The following KIF26B variants were observed in gnomAD, a reference collection of about 807,000 sequenced individuals.
The protein encoded by KIF26B is kinesin family member 26B.
KIF26B carries 63 observed loss-of-function variants against 151.2 expected under a neutral mutation model. The observed-to-expected ratio is 0.42, with a 90% confidence interval of 0.34 to 0.51. The LOEUF is 0.51. KIF26B is among the 20% of genes least tolerant of loss of function. The probability of loss-of-function intolerance (pLI) is 0.07; values close to 1 mark genes in which losing one functional copy is unlikely to be tolerated. For synonymous variants in KIF26B, 1,357 were observed against 1,262.1 expected, an observed-to-expected ratio of 1.08 and a Z score of -1.59; for missense variants, 2,813 against 2,913.6, an observed-to-expected ratio of 0.97 and a Z score of 0.79.
chr1:245,238,632 G>A (rs951447494), intron 2 of KIF26B, among the ~76,000 whole-genome samples: 8 of 152,066 alleles, frequency 5.3e-5, no homozygotes, highest in Admixed American at 2.0e-4. Flanking sequence ...AGGCAGAGAC[G>A]GGTGGATCAC....
At position 245,413,599 on chromosome 1, in the gene KIF26B, G is replaced by C. The variant is rs144879725; in HGVS notation, c.1000-5980G>C. ...AATCGCTTGAACCCGGAAGGCGGAG[G>C]TTGCAGTGAGCCGAGATTGCACCAC... On this transcript the variant is annotated intron_variant, in intron 3 of 14. Transcript: ENST00000407071. 2.6e-3 allele frequency among the ~76,000 whole-genome samples: 389 copies of C among 152,306 alleles called. 2 individuals are homozygous for C. Among genetic ancestry groups the C allele is most frequent in the African/African-American group, 9.0e-3 (375 of 41,570 alleles).
Position 245,358,318 on chromosome 1 carries a change from A to T in KIF26B, c.466-8516A>T, listed in dbSNP as rs1672741770. On this transcript the variant is annotated intron_variant, in intron 2 of 14. Transcript: ENST00000407071. The surrounding 1 kb of genome is among the most constrained non-coding windows in gnomAD (Gnocchi z 4.1). ...GGCGGATCATGAGGTCAGGAAATCG[A>T]GACCATCCTGGCTAGCAGAGTGAAA... Among the ~76,000 whole-genome samples, 1 of 152,236 alleles carries T rather than the reference A, an allele frequency of 6.6e-6. No homozygotes were observed. Among genetic ancestry groups the T allele is most frequent in the Non-Finnish European group, 1.5e-5 (1 of 68,044 alleles).
At chr1:245,303,475 G>A (rs1671481343) in intron 2 of KIF26B, among the ~76,000 whole-genome samples, 1 of 150,884 alleles carries the variant, frequency 6.6e-6, no homozygotes, top group African/African-American at 2.5e-5. Flanking sequence ...TGGGATTACA[G>A]GCGTAAGCCA....
At chr1:245,471,025 T>C (rs1659901159) in intron 4 of KIF26B, among the ~76,000 whole-genome samples, 1 of 152,164 alleles carries the variant, frequency 6.6e-6, no homozygotes, top group East Asian at 1.9e-4. Flanking sequence ...GCCATTGTTA[T>C]TTTGGCTTCT....
At chr1:245,379,970 CAAA>C (rs539877547) in intron 3 of KIF26B, among the ~76,000 whole-genome samples, 5 of 82,742 alleles carry the variant, frequency 6.0e-5, no homozygotes, top group Admixed American at 1.4e-4. Context: ...GACTCCGTCT[CAAA>C]AAAAAAAAAA....
intron 9 of KIF26B, among the ~76,000 whole-genome samples, chr1:245,635,879 T>C (rs1376571219): frequency 1.3e-5 from 2 of 152,180 alleles, no homozygotes; most frequent in East Asian, 3.8e-4. Flanking sequence ...AATTTTTCCT[T>C]GACCATAGGC....
At chr1:245,284,793 C>A (rs1671135857) in intron 2 of KIF26B, among the ~76,000 whole-genome samples, 1 of 152,052 alleles carries the variant, frequency 6.6e-6, no homozygotes, top group Admixed American at 6.6e-5. Flanking sequence ...AATCCCAGCA[C>A]TTTGGGAGGC....
chr1:245,203,122 C>G (rs1203269141), intron 2 of KIF26B, among the ~76,000 whole-genome samples: 1 of 151,106 alleles, frequency 6.6e-6, no homozygotes, highest in Non-Finnish European at 1.5e-5. Flanking sequence ...TGGTGTGCGC[C>G]TATAGTCCCA....
intron 2 of KIF26B, among the ~76,000 whole-genome samples, chr1:245,323,462 G>A (rs1279954948): frequency 6.6e-6 from 1 of 152,152 alleles, no homozygotes; most frequent in Non-Finnish European, 1.5e-5. Flanking sequence ...GAACAAGTTT[G>A]GAAAAACTGC....
At chr1:245,336,027 A>G (rs1672222929) in intron 2 of KIF26B, among the ~76,000 whole-genome samples, 2 of 113,840 alleles carry the variant, frequency 1.8e-5, no homozygotes, top group Non-Finnish European at 1.6e-5. Flanking sequence ...GGAGAGTCCC[A>G]CGCAGGGAAA....
chr1:245,396,480 A>G (rs1673844762), intron 3 of KIF26B, among the ~76,000 whole-genome samples: 1 of 152,168 alleles, frequency 6.6e-6, no homozygotes, highest in Non-Finnish European at 1.5e-5. Context: ...TACTAAAAGT[A>G]CAAAAATTAG....
At chr1:245,450,038 G>A (rs1002284332) in intron 4 of KIF26B, among the ~76,000 whole-genome samples, 3 of 152,160 alleles carry the variant, frequency 2.0e-5, no homozygotes, top group Non-Finnish European at 4.4e-5. Context: ...AGATGTGCGT[G>A]CTTTGCCTTG....
Position 245,563,089 on chromosome 1 carries a change from TG to T in KIF26B, c.1350+22140del, listed in dbSNP as rs1260285807. Among the ~76,000 whole-genome samples, 5 of 152,152 alleles carry T rather than the reference TG, an allele frequency of 3.3e-5. No homozygotes were observed. Among genetic ancestry groups the T allele is most frequent in the Non-Finnish European group, 7.3e-5 (5 of 68,036 alleles). On this transcript the variant is annotated intron_variant, in intron 5 of 14. Coordinates refer to ENST00000407071, the MANE Select transcript of KIF26B (RefSeq NM_018012.4). This position sits in a 1 kb window ranked among gnomAD's most constrained non-coding sequence, Gnocchi z 4.6. Reference sequence around the variant, plus strand: ...TAGGAGCCGGCACTTAGTACATGTTTGTTTGGGGAATGAATGTGAGGTCACT... The same window carrying T: ...TAGGAGCCGGCACTTAGTACATGTTTTTTGGGGAATGAATGTGAGGTCACT...
chr1:245,451,405 A>C (rs564652012), intron 4 of KIF26B, among the ~76,000 whole-genome samples: 1 of 151,840 alleles, frequency 6.6e-6, no homozygotes, highest in East Asian at 1.9e-4. Context: ...GTTTTATTAC[A>C]TTTATTTATT....
intron 2 of KIF26B, among the ~76,000 whole-genome samples, chr1:245,359,082 A>G (rs1323375034): frequency 6.6e-6 from 1 of 151,568 alleles, no homozygotes; most frequent in African/African-American, 2.4e-5. Context: ...GCAGTGGCGC[A>G]GTCTCGGCTC....
intron 3 of KIF26B, among the ~76,000 whole-genome samples, chr1:245,394,690 T>TTTC (rs1306711341): frequency 7.4e-6 from 1 of 134,864 alleles, no homozygotes; most frequent in Non-Finnish European, 1.5e-5. Context: ...TTTTCTTTCT[T>TTTC]TTTTTTTTTT....
intron 4 of KIF26B, among the ~76,000 whole-genome samples, chr1:245,486,315 C>T (rs914769793): frequency 6.6e-6 from 1 of 151,984 alleles, no homozygotes; most frequent in Admixed American, 6.5e-5. Flanking sequence ...GGAAGAAAAG[C>T]ATCTGTCAAT....
At chr1:245,405,535 C>T (rs557013772) in intron 3 of KIF26B, among the ~76,000 whole-genome samples, 27 of 152,054 alleles carry the variant, frequency 1.8e-4, no homozygotes, top group Non-Finnish European at 3.2e-4. Context: ...GAACTGAGCC[C>T]CTGGCTTATG....
At chr1:245,489,650 C>T (rs1010673290) in intron 4 of KIF26B, among the ~76,000 whole-genome samples, 1 of 152,120 alleles carries the variant, frequency 6.6e-6, no homozygotes, top group Non-Finnish European at 1.5e-5. Flanking sequence ...GATTCCTCGT[C>T]GGGCTATGTA....
Sources: allele counts gnomAD v4.1 joint callset (sites outside exome capture counted in the v4.1 genomes callset), GRCh38; gene constraint gnomAD v4.1.1; non-coding constraint Gnocchi (gnomAD v3.1); transcripts MANE v1.5; gene names NCBI Gene and HGNC (gene_info 2026-07-23, HGNC 2026-07-21).